KCNH7: variants seen among roughly 807,000 people sequenced by gnomAD.
KCNH7 encodes voltage-gated inwardly rectifying potassium channel KCNH7.
In KCNH7, 49 loss-of-function variants were observed where a neutral mutation model predicts 120.8. The observed-to-expected ratio is 0.41, with a 90% CI of 0.32 to 0.51. The LOEUF is 0.51. Among genes scored for constraint, KCNH7 ranks in the 20% least tolerant of loss-of-function variants. The pLI is 0.38. For synonymous variants in KCNH7, 547 were observed against 516.1 expected (o/e 1.06, Z -0.81); for missense variants, 1,097 against 1,446.6 (o/e 0.76, Z 3.92).
rs563513209 is a variant in KCNH7 at position 162,812,073 on chromosome 2, C to T, written c.307+24464G>A. On this transcript the variant is annotated intron_variant, in intron 2 of 15. Transcript: ENST00000332142. Reference sequence around the variant, plus strand: ...TACAGCACACGTGTGTGTGTGTGAGCACATGTGCACACACACTAAATTGAA... The same window carrying T: ...TACAGCACACGTGTGTGTGTGTGAGTACATGTGCACACACACTAAATTGAA... 2.6e-5 allele frequency among the ~76,000 whole-genome samples: 4 copies of T among 152,042 alleles called. No individual in the cohort carries two copies. In the South Asian group the frequency reaches 8.3e-4, roughly 32 times the overall value.
chr2:162,518,444 A>G (rs979888434), intron 3 of KCNH7, among the ~76,000 whole-genome samples: 3 of 151,858 alleles, frequency 2.0e-5, no homozygotes, highest in Non-Finnish European at 4.4e-5. Flanking sequence ...TAATAAAATA[A>G]AAACATTCAT....
intron 6 of KCNH7, among the ~76,000 whole-genome samples, chr2:162,487,903 C>A (rs939283894): frequency 1.3e-5 from 2 of 152,198 alleles, no homozygotes; most frequent in African/African-American, 4.8e-5. Flanking sequence ...AATGCCACGT[C>A]TGCTACGGAA....
At chr2:162,536,878 G>A (rs1692126651) in intron 3 of KCNH7, 47 bp downstream of exon 3, 10 of 1,511,276 alleles carry the variant, frequency 6.6e-6, no homozygotes, top group Non-Finnish European at 9.2e-6. Flanking sequence ...AGTGACTACA[G>A]TAGCAGAATT....
chr2:162,402,353 A>C lies in KCNH7; in HGVS notation c.2155-1912T>G, dbSNP rs1022165459. 3.4e-5 allele frequency among the ~76,000 whole-genome samples: 5 copies of C among 147,718 alleles called. No homozygotes were observed. In the East Asian group the frequency reaches 8.5e-4, roughly 25 times the overall value. ...GTGATGCCAAACTGGAGTTGAACTA[A>C]ATTTGGACACAGCATTCTAAAATGC... On this transcript the variant is annotated intron_variant, in intron 9 of 15. Coordinates refer to ENST00000332142, the MANE Select transcript of KCNH7 (RefSeq NM_033272.4).
At chr2:162,544,415 T>G (rs1559006090) in intron 2 of KCNH7, among the ~76,000 whole-genome samples, 2 of 152,160 alleles carry the variant, frequency 1.3e-5, no homozygotes. Flanking sequence ...GGGCTATACA[T>G]GCTTTAATAT....
intron 2 of KCNH7, among the ~76,000 whole-genome samples, chr2:162,539,528 T>C (rs1692231898): frequency 6.6e-6 from 1 of 152,092 alleles, no homozygotes; most frequent in African/African-American, 2.4e-5. Flanking sequence ...TGTTTTCTAA[T>C]ACAAGTGTTT....
At chr2:162,401,790 T>C (rs1687071321) in intron 9 of KCNH7, among the ~76,000 whole-genome samples, 1 of 151,814 alleles carries the variant, frequency 6.6e-6, no homozygotes, top group Non-Finnish European at 1.5e-5. Context: ...TAGATAAAAA[T>C]TGATAGAACT....
At chr2:162,752,902 G>GAAAAAAGAAAAGA (rs140501872) in intron 2 of KCNH7, among the ~76,000 whole-genome samples, 3 of 61,218 alleles carry the variant, frequency 4.9e-5, no homozygotes, top group East Asian at 8.5e-4. Flanking sequence ...CTACATCTCA[G>GAAAAAAGAAAAGA]AAAAAGAAAA....
chr2:162,537,159 A>T, intron 2 of KCNH7, 79 bp from the exon 3 acceptor site: 1 of 1,087,736 alleles, frequency 9.2e-7, no homozygotes, highest in Non-Finnish European at 1.3e-6. Flanking sequence ...ATTGAAATAT[A>T]CTCTTAAGGA....
At position 162,770,825 on chromosome 2, in the gene KCNH7, G is replaced by A. The variant is rs181871714; in HGVS notation, c.307+65712C>T. On this transcript the variant is annotated intron_variant, in intron 2 of 15. Coordinates refer to ENST00000332142, the MANE Select transcript of KCNH7 (RefSeq NM_033272.4). The stretch of plus-strand genomic sequence containing the variant: ...AATTTCCCAAATATTTGCAACTAAC[G>A]TCCCACTAGTTATCTCAATTGCACT... 3.7e-3 allele frequency among the ~76,000 whole-genome samples: 562 copies of A among 151,838 alleles called. 3 individuals are homozygous for A. The highest frequency in any genetic ancestry group is 0.014 in the Middle Eastern group (4 of 294).
chr2:162,471,218 C>G (rs555963185), intron 6 of KCNH7, among the ~76,000 whole-genome samples: 2 of 146,922 alleles, frequency 1.4e-5, no homozygotes. Context: ...TCCCCCTCTG[C>G]GAGAAACACC....
At chr2:162,715,702 A>T (rs1443738278) in intron 2 of KCNH7, among the ~76,000 whole-genome samples, 2 of 152,180 alleles carry the variant, frequency 1.3e-5, no homozygotes, top group African/African-American at 2.4e-5. Context: ...ATTGTACTAC[A>T]GTTTTGCAAG....
intron 6 of KCNH7, among the ~76,000 whole-genome samples, chr2:162,495,872 G>A (rs1187748825): frequency 1.3e-5 from 2 of 152,128 alleles, no homozygotes; most frequent in Non-Finnish European, 2.9e-5. Context: ...ATAAGACCAA[G>A]GGAGTCAACC....
At chr2:162,425,582 A>G (rs1472977393) in intron 8 of KCNH7, among the ~76,000 whole-genome samples, 1 of 152,160 alleles carries the variant, frequency 6.6e-6, no homozygotes, top group Non-Finnish European at 1.5e-5. Flanking sequence ...GTAGTGGGGA[A>G]ACAATTACGT....
At position 162,795,701 on chromosome 2, in the gene KCNH7, C is replaced by CTTCATCTTA. The variant is rs555083375; in HGVS notation, c.307+40827_307+40835dup. 21 of 152,158 alleles carry CTTCATCTTA rather than the reference C, an allele frequency of 1.4e-4. No homozygotes were observed. The East Asian group carries it at 3.9e-3, about 28-fold the overall frequency. The allele number at this position is 152,158 out of a possible 1,614,324, so 9.4% of individuals were successfully genotyped here. A position where few individuals can be genotyped will look rare whatever the true frequency, so the allele number is the denominator to read the frequency against. ...TCTCTTGAAATCAAGGACCATTTCT[C>CTTCATCTTA]TTCATCTTATCTTGAGCTACATACC... On this transcript the variant is annotated intron_variant, in intron 2 of 15. Coordinates refer to ENST00000332142, the MANE Select transcript of KCNH7 (RefSeq NM_033272.4).
chr2:162,466,245 G>A (rs1416138158), intron 6 of KCNH7, among the ~76,000 whole-genome samples: 1 of 152,038 alleles, frequency 6.6e-6, no homozygotes, highest in Non-Finnish European at 1.5e-5. Flanking sequence ...AATTTAAAAG[G>A]TACTGTATTA....
At chr2:162,737,607 G>A (rs575503349) in intron 2 of KCNH7, among the ~76,000 whole-genome samples, 1 of 152,150 alleles carries the variant, frequency 6.6e-6, no homozygotes, top group South Asian at 2.1e-4. Context: ...TGTATTTCAG[G>A]AAAATTATAT....
At chr2:162,729,842 TGG>T in intron 2 of KCNH7, among the ~76,000 whole-genome samples, 1 of 152,164 alleles carries the variant, frequency 6.6e-6, no homozygotes, top group South Asian at 2.1e-4. Flanking sequence ...TTCTATTGGT[TGG>T]TTTTCATGCT....
At position 162,469,204 on chromosome 2, in the gene KCNH7, T is replaced by C. The variant is rs1026468789; in HGVS notation, c.1129-22761A>G. On this transcript the variant is annotated intron_variant, in intron 6 of 15. Coordinates refer to ENST00000332142, the MANE Select transcript of KCNH7 (RefSeq NM_033272.4). ...GGTATGTAATAGCTAAATACTGTTA[T>C]GAAATTTTATGCTATAATAAAAAGT... Among the ~76,000 whole-genome samples the C allele has an allele frequency of 2.1e-4, 32 of 150,338 alleles. 1 individual carries two copies. Among genetic ancestry groups the C allele is most frequent in the African/African-American group, 3.0e-4 (12 of 39,662 alleles).
Sources: gnomAD v4.1 joint callset for allele counts (sites outside exome capture counted in the v4.1 genomes callset) on GRCh38, gnomAD v4.1.1 for gene constraint, MANE v1.5 for transcripts, NCBI Gene and HGNC (gene_info 2026-07-23, HGNC 2026-07-21) for gene names.